Variants in EPHX2 observed in about 807,000 individuals in gnomAD.
EPHX2 encodes epoxide hydrolase 2.
A neutral mutation model predicts 78.7 loss-of-function variants in EPHX2; 74 were observed. That is an observed-to-expected ratio of 0.94 (90% CI 0.78 to 1.14). The LOEUF is 1.14. Ranked by LOEUF, EPHX2 falls within the 50% of genes most tolerant of loss-of-function variation. The pLI is 0.00. For missense variants in EPHX2, 715 were observed against 702.5 expected, an observed-to-expected ratio of 1.02 and a Z score of -0.20; for synonymous variants, 251 against 255.2, an observed-to-expected ratio of 0.98 and a Z score of 0.16.
intron 1 of EPHX2, among the ~76,000 whole-genome samples, chr8:27,495,560 G>C (rs1400386757): frequency 6.6e-6 from 1 of 152,124 alleles, no homozygotes; most frequent in African/African-American, 2.4e-5. Flanking sequence ...ACAAGCGCCT[G>C]GTATCTAAGC....
At chr8:27,528,994 C>T (rs919624406) in intron 12 of EPHX2, among the ~76,000 whole-genome samples, 3 of 152,150 alleles carry the variant, frequency 2.0e-5, no homozygotes, top group Non-Finnish European at 2.9e-5. Context: ...CAGGGTTTCA[C>T]CATGTTGGCC....
chr8:27,491,356 G>A (rs1813371721), intron 1 of EPHX2, 47 bp downstream of exon 1: 1 of 1,344,562 alleles, frequency 7.4e-7, no homozygotes. Context: ...GGCCTCAGGA[G>A]GCAGACCGCG....
chr8:27,506,216 T>A (rs1163807923), intron 4 of EPHX2, among the ~76,000 whole-genome samples: 1 of 152,208 alleles, frequency 6.6e-6, no homozygotes, highest in Admixed American at 6.5e-5. Flanking sequence ...CTTGAACTCC[T>A]GGTTTCAACC....
chr8:27,512,103 A>T, intron 6 of EPHX2, 193 bp downstream of exon 6: 1 of 419,078 alleles, frequency 2.4e-6, no homozygotes, highest in Non-Finnish European at 4.4e-6. Flanking sequence ...GTCTCAAGAA[A>T]AAAAAAAAAA....
At chr8:27,517,286 C>T (rs1197791845) in intron 8 of EPHX2, among the ~76,000 whole-genome samples, 1 of 148,540 alleles carries the variant, frequency 6.7e-6, no homozygotes, top group Admixed American at 6.6e-5. Flanking sequence ...AATCATACTA[C>T]CCATTGATTT....
intron 13 of EPHX2, among the ~76,000 whole-genome samples, chr8:27,537,780 C>T (rs972626385): frequency 2.0e-5 from 3 of 152,124 alleles, no homozygotes; most frequent in African/African-American, 4.8e-5. Flanking sequence ...CTCTCCCTCT[C>T]GCAAACTCTG....
chr8:27,503,693 T>A lies in EPHX2; in HGVS notation c.276T>A (p.Phe92Leu). Reference sequence around the variant, plus strand: ...AGAATTTCTCCATAAAAGAAATCTTTGACAAGGCGATTTCAGCCAGAAAGA... The same window carrying A: ...AGAATTTCTCCATAAAAGAAATCTTAGACAAGGCGATTTCAGCCAGAAAGA... ...LPKNFSIKEI[F>L]DKAISARKIN... Residue 92 changes from phenylalanine to leucine, a missense_variant, in exon 3 of 19, where the codon TTT becomes TTA. Transcript: ENST00000521400. 6.2e-7 allele frequency: 1 copy of A among 1,614,016 alleles called. No homozygotes were observed. Among genetic ancestry groups the A allele is most frequent in the African/African-American group, 1.3e-5 (1 of 75,004 alleles).
At chr8:27,502,158 C>A (rs1191543205) in intron 2 of EPHX2, among the ~76,000 whole-genome samples, 1 of 152,208 alleles carries the variant, frequency 6.6e-6, no homozygotes, top group Non-Finnish European at 1.5e-5. Flanking sequence ...TCACTTTTAC[C>A]TGTTTTGGAC....
intron 1 of EPHX2, among the ~76,000 whole-genome samples, chr8:27,496,394 A>G (rs1813574245): frequency 6.6e-6 from 1 of 152,156 alleles, no homozygotes; most frequent in African/African-American, 2.4e-5. Flanking sequence ...ACCATCCACG[A>G]AAGTTGGGAC....
Position 27,491,155 on chromosome 8 carries a change from G to C in EPHX2, c.-54G>C. 1.3e-6 allele frequency: 2 copies of C among 1,510,532 alleles called. No homozygotes were observed. The allele number at this position is 1,510,532 out of a possible 1,614,324, so 93.6% of individuals were successfully genotyped here. A position where few individuals can be genotyped will look rare whatever the true frequency, so the allele number is the denominator to read the frequency against. ...GGGCGGGTCATGCGCCCTGGCCTTCGCGCATCTCCCAGGTTAGCTGCGTGT... is the reference window on the plus strand; with the variant it reads ...GGGCGGGTCATGCGCCCTGGCCTTCCCGCATCTCCCAGGTTAGCTGCGTGT... On this transcript the variant is annotated 5_prime_UTR_variant, in exon 1 of 19. Transcript: ENST00000521400.
chr8:27,511,699 CT>C, intron 5 of EPHX2, 136 bp from the exon 6 acceptor site: 1 of 789,654 alleles, frequency 1.3e-6, no homozygotes, highest in Non-Finnish European at 2.1e-6. Context: ...GGGAGATGGG[CT>C]GGTCAGCCAC....
intron 6 of EPHX2, among the ~76,000 whole-genome samples, chr8:27,514,293 T>A (rs1167697749): frequency 6.6e-6 from 1 of 152,130 alleles, no homozygotes; most frequent in African/African-American, 2.4e-5. Flanking sequence ...GGCAACAAAG[T>A]GAGACCATGT....
intron 12 of EPHX2, among the ~76,000 whole-genome samples, chr8:27,533,466 G>C (rs555234106): frequency 2.2e-4 from 34 of 152,348 alleles, no homozygotes; most frequent in Non-Finnish European, 2.9e-4. Context: ...GAAGATCTCA[G>C]CTAAGTGCAT....
intron 2 of EPHX2, among the ~76,000 whole-genome samples, chr8:27,502,901 A>G (rs185050046): frequency 6.6e-6 from 1 of 152,190 alleles, no homozygotes; most frequent in East Asian, 1.9e-4. Context: ...GGGAGGACAC[A>G]GTTTAGCCCA....
At chr8:27,514,922 A>G (rs1398939671) in intron 6 of EPHX2, among the ~76,000 whole-genome samples, 1 of 152,152 alleles carries the variant, frequency 6.6e-6, no homozygotes, top group African/African-American at 2.4e-5. Flanking sequence ...CAAAAAGACT[A>G]TGGGTGTGGC....
chr8:27,511,626 C>T (rs1480508934), intron 5 of EPHX2, among the ~76,000 whole-genome samples: 1 of 152,192 alleles, frequency 6.6e-6, no homozygotes, highest in East Asian at 1.9e-4. Flanking sequence ...AGAACTCAGT[C>T]TTGGGGCTCC....
At position 27,493,423 on chromosome 8, in the gene EPHX2, C is replaced by T. The variant is rs576455897; in HGVS notation, c.101+2114C>T. 2.6e-5 allele frequency among the ~76,000 whole-genome samples: 4 copies of T among 152,302 alleles called. No homozygotes were observed. The South Asian group carries it at 8.3e-4, about 32-fold the overall frequency. ...AGCGGTTTTGGAGAGTCACTGTTGC[C>T]AAATAGTCTATTTGGGATTGTAGAG... On this transcript the variant is annotated intron_variant, in intron 1 of 18. Coordinates refer to ENST00000521400, the MANE Select transcript of EPHX2 (RefSeq NM_001979.6).
rs183266693 is a variant in EPHX2, at chr8:27,533,293, C to G, written c.1171-3491C>G. Among the ~76,000 whole-genome samples the G allele has an allele frequency of 2.0e-5, 3 of 152,276 alleles. No individual in the cohort carries two copies. The East Asian group carries it at 5.8e-4, about 29-fold the overall frequency. ...GTTCCCCAGCTGGTAACTGTCAGTA[C>G]TTGGGCTTGAAACTGTGTTTATTGG... On this transcript the variant is annotated intron_variant, in intron 12 of 18. Coordinates refer to ENST00000521400, the MANE Select transcript of EPHX2 (RefSeq NM_001979.6).
At chr8:27,511,320 G>A (rs1001440444) in intron 5 of EPHX2, among the ~76,000 whole-genome samples, 3 of 152,208 alleles carry the variant, frequency 2.0e-5, no homozygotes, top group Admixed American at 2.0e-4. Flanking sequence ...GGCGACCATC[G>A]GAGGAGCTGC....
Sources: allele counts gnomAD v4.1 joint callset (sites outside exome capture counted in the v4.1 genomes callset), GRCh38; gene constraint gnomAD v4.1.1; transcripts MANE v1.5; gene names NCBI Gene and HGNC (gene_info 2026-07-23, HGNC 2026-07-21).